The following PALS1 variants were observed in gnomAD, a reference collection of about 807,000 sequenced individuals.
PALS1 encodes protein PALS1.
In PALS1, 31 loss-of-function variants were observed where a neutral mutation model predicts 78.9. That is an observed-to-expected ratio of 0.39 (90% confidence interval 0.30 to 0.53). The LOEUF (loss-of-function observed/expected upper bound fraction) is 0.53, where lower values mean the gene tolerates loss of function less well. Among genes scored for constraint, PALS1 ranks in the 20% least tolerant of loss-of-function variants. The pLI, the probability that PALS1 is intolerant of heterozygous loss-of-function variation, is 0.67. For missense variants in PALS1, 704 were observed against 826.5 expected, an observed-to-expected ratio of 0.85 and a Z score of 1.82; for synonymous variants, 276 against 270.9, an observed-to-expected ratio of 1.02 and a Z score of -0.18.
chr14:67,309,094 G>C (rs1446857139), intron 8 of PALS1, among the ~76,000 whole-genome samples: 1 of 152,058 alleles, frequency 6.6e-6, no homozygotes, highest in Admixed American at 6.6e-5. Flanking sequence ...ATTTTGTTTT[G>C]TTCAGAAGCC....
chr14:67,289,197 A>C (rs760708079), intron 3 of PALS1, among the ~76,000 whole-genome samples: 1 of 151,796 alleles, frequency 6.6e-6, no homozygotes. Flanking sequence ...CAAACTCCTG[A>C]CTTCGTGTGA....
rs1419704245 is a variant in PALS1 at position 67,302,064 on chromosome 14, T to C, written c.747T>C (p.Tyr249=). The C allele has an allele frequency of 1.9e-6, 3 of 1,609,304 alleles. No homozygotes were observed. Among genetic ancestry groups the C allele is most frequent in the Middle Eastern group, 1.6e-4 (1 of 6,072 alleles). The change falls in exon 6 of 15, where the codon TAT becomes TAC. Residue 249 remains tyrosine, a synonymous_variant. Coordinates refer to ENST00000261681, the MANE Select transcript of PALS1 (RefSeq NM_022474.4). ...GAGTTTATGAAAGTATTGGCCAGTA[T>C]GGAGGAGAAACTGTAAAAATAGTTC... ...DERVYESIGQ[Y]GGETVKIVRI... is the part of the protein sequence containing the mutation.
chr14:67,262,767 TTA>T (rs2084259497), intron 1 of PALS1, among the ~76,000 whole-genome samples: 1 of 152,160 alleles, frequency 6.6e-6, no homozygotes, highest in Non-Finnish European at 1.5e-5. Context: ...AACTCTGTCT[TTA>T]TCTTCTATCT....
At chr14:67,332,518 TAAGAC>T (rs1277755709) in intron 14 of PALS1, among the ~76,000 whole-genome samples, 2 of 152,198 alleles carry the variant, frequency 1.3e-5, no homozygotes, top group Non-Finnish European at 2.9e-5. Flanking sequence ...GTTGGTGAGA[TAAGAC>T]AAAATATGTG....
At position 67,279,027 on chromosome 14, in the gene PALS1, A is replaced by T; in HGVS notation, c.-144A>T. On this transcript the variant is annotated 5_prime_UTR_variant, in exon 3 of 15. An upstream start codon of the reference 5' UTR is lost. Transcript: ENST00000261681. ...CCATCTTTCCCCTTAGATTTCCTTC[A>T]TGGATACTTTTTCATAGCATTATTA... The T allele has an allele frequency of 4.1e-6, 3 of 730,410 alleles. No individual in the cohort carries two copies. Among genetic ancestry groups the T allele is most frequent in the Non-Finnish European group, 2.0e-6 (1 of 498,834 alleles). 45.2% of individuals were successfully genotyped at this position (730,410 alleles called of 1,614,324 possible).
At chr14:67,273,266 C>G (rs1022073235) in intron 2 of PALS1, among the ~76,000 whole-genome samples, 19 of 152,052 alleles carry the variant, frequency 1.2e-4, no homozygotes, top group African/African-American at 4.3e-4. Flanking sequence ...TCGCTCCCCC[C>G]TCCCACCTCC....
At chr14:67,247,538 T>C (rs1048122243) in intron 1 of PALS1, among the ~76,000 whole-genome samples, 1 of 152,178 alleles carries the variant, frequency 6.6e-6, no homozygotes, top group African/African-American at 2.4e-5. Context: ...GGACTTCCAC[T>C]GAGATGTCGA....
Position 67,301,383 on chromosome 14 carries a change from T to A in PALS1, c.577-6T>A, listed in dbSNP as rs1007552185. On this transcript the variant is annotated splice_polypyrimidine_tract_variant and splice_region_variant and intron_variant, in intron 4 of 14. Coordinates refer to ENST00000261681, the MANE Select transcript of PALS1 (RefSeq NM_022474.4). ...AGGAAGAATAATCTTTATTTTTGTT[T>A]CTTAGGTACAAACTGTTTTGAAGCC... The A allele has an allele frequency of 3.6e-5, 57 of 1,596,950 alleles. No individual in the cohort carries two copies. Among genetic ancestry groups the A allele is most frequent in the African/African-American group, 5.4e-5 (4 of 74,680 alleles).
intron 11 of PALS1, among the ~76,000 whole-genome samples, chr14:67,319,734 G>A (rs1319926413): frequency 2.0e-5 from 3 of 152,184 alleles, no homozygotes; most frequent in Non-Finnish European, 2.9e-5. Context: ...CGGGTTGGAC[G>A]AGCTTGAACT....
chr14:67,302,307 T>G lies in PALS1; in HGVS notation c.802-103T>G, dbSNP rs1454626940. On this transcript the variant is annotated intron_variant, in intron 6 of 14. Transcript: ENST00000261681. ...TAAATAAATTTTTTCTTAAGATAACTGAAGGTTAGTATTGTTGAATGGAAA... is the reference window on the plus strand; with the variant it reads ...TAAATAAATTTTTTCTTAAGATAACGGAAGGTTAGTATTGTTGAATGGAAA... The G allele has an allele frequency of 8.2e-6, 9 of 1,091,752 alleles. No homozygotes were observed. The East Asian group carries it at 2.1e-4, about 26-fold the overall frequency. The allele number at this position is 1,091,752 out of a possible 1,614,324, so 67.6% of individuals were successfully genotyped here.
In PALS1 at chr14:67,301,323, C is replaced by T. The variant is rs1356329838; in HGVS notation, c.577-66C>T. ...TAATTTGTACTTAAAAAATATGACC[C>T]TGCATACAGGTGCTACTGATACTTC... On this transcript the variant is annotated intron_variant, in intron 4 of 14. Transcript: ENST00000261681. The T allele has an allele frequency of 4.5e-6, 4 of 886,198 alleles. No homozygotes were observed. The African/African-American group carries it at 5.1e-5, about 11-fold the overall frequency. 54.9% of individuals were successfully genotyped at this position (886,198 alleles called of 1,614,324 possible). A position where few individuals can be genotyped will look rare whatever the true frequency, so the allele number is the denominator to read the frequency against.
intron 4 of PALS1, among the ~76,000 whole-genome samples, chr14:67,295,756 C>T (rs1004381372): frequency 2.0e-5 from 3 of 152,148 alleles, no homozygotes; most frequent in African/African-American, 7.2e-5. Context: ...TCATACATCA[C>T]TGGTGGAGTA....
At chr14:67,264,386 T>C (rs74058408) in intron 1 of PALS1, among the ~76,000 whole-genome samples, 73 of 152,304 alleles carry the variant, frequency 4.8e-4, no homozygotes, top group African/African-American at 1.7e-3. Flanking sequence ...TGTAATCTCA[T>C]TCGTCTGTTT....
rs188951583 is a variant in PALS1, at chr14:67,279,185, T to C, written c.15T>C (p.His5=). The C allele has an allele frequency of 2.3e-4, 371 of 1,594,664 alleles. No individual in the cohort carries two copies. The highest frequency in any genetic ancestry group is 2.0e-4 in the Non-Finnish European group (239 of 1,172,186). Residue 5 remains histidine, a synonymous_variant, in exon 3 of 15, where the codon CAT becomes CAC. Coordinates refer to ENST00000261681, the MANE Select transcript of PALS1 (RefSeq NM_022474.4). ...CATAGATAACCATGACAACATCCCA[T>C]ATGAATGGGCATGTTACAGAGGAAT... MTTS[H]MNGHVTEESD...
intron 1 of PALS1, among the ~76,000 whole-genome samples, chr14:67,258,464 A>G (rs1295123128): frequency 6.6e-6 from 1 of 152,056 alleles, no homozygotes; most frequent in East Asian, 2.0e-4. Context: ...ACTGTTGTCC[A>G]GGCTGGAGGG....
intron 14 of PALS1, among the ~76,000 whole-genome samples, chr14:67,329,242 G>C (rs2085404110): frequency 6.6e-6 from 1 of 152,156 alleles, no homozygotes; most frequent in Non-Finnish European, 1.5e-5. Flanking sequence ...TGTAGCAATT[G>C]TGAATGGGAG....
At chr14:67,311,147 C>G (rs2085082128) in intron 8 of PALS1, among the ~76,000 whole-genome samples, 1 of 151,900 alleles carries the variant, frequency 6.6e-6, no homozygotes, top group South Asian at 2.1e-4. Context: ...CCTGTTTCTA[C>G]TAAACATACA....
intron 1 of PALS1, among the ~76,000 whole-genome samples, chr14:67,246,340 A>T (rs1073605): frequency 1.3e-5 from 2 of 150,592 alleles, no homozygotes; most frequent in African/African-American, 4.9e-5. Flanking sequence ...TGTTGCCCAG[A>T]CTGTATTATT....
At chr14:67,248,043 T>C (rs983787898) in intron 1 of PALS1, among the ~76,000 whole-genome samples, 5 of 152,250 alleles carry the variant, frequency 3.3e-5, no homozygotes, top group Admixed American at 2.6e-4. Flanking sequence ...TGTTGAATTT[T>C]ATCATATGCC....
Sources: allele counts gnomAD v4.1 joint callset (sites outside exome capture counted in the v4.1 genomes callset), GRCh38; gene constraint gnomAD v4.1.1; transcripts MANE v1.5; gene names NCBI Gene and HGNC (gene_info 2026-07-23, HGNC 2026-07-21).